ELAPOR2: variants seen among roughly 807,000 people sequenced by gnomAD.
ELAPOR2 encodes endosome-lysosome associated apoptosis and autophagy regulator family member 2, also known as endosome/lysosome-associated apoptosis and autophagy regulator family member 2.
ELAPOR2 carries 89 observed loss-of-function variants against 120.7 expected under a neutral mutation model. That is an observed-to-expected ratio of 0.74 (90% CI 0.62 to 0.88). The LOEUF (loss-of-function observed/expected upper bound fraction) is 0.88. Among genes scored for constraint, ELAPOR2 ranks in the 40% least tolerant of loss-of-function variants. The probability of loss-of-function intolerance (pLI) is 0.00; values close to 1 mark genes in which losing one functional copy is unlikely to be tolerated. For synonymous variants in ELAPOR2, 444 were observed against 444.9 expected (o/e 1.00, Z 0.03); for missense variants, 1,134 against 1,251.6 (o/e 0.91, Z 1.42).
At chr7:87,009,913 T>TC (rs1184855094) in intron 1 of ELAPOR2, among the ~76,000 whole-genome samples, 5 of 152,184 alleles carry the variant, frequency 3.3e-5, no homozygotes, top group African/African-American at 9.6e-5. Flanking sequence ...TTAAAGAACA[T>TC]CCTTTAAAAT....
At chr7:86,918,183 C>CCTGGCCTCTATCAGTCACCCAAG (rs1789651619) in intron 12 of ELAPOR2, among the ~76,000 whole-genome samples, 1 of 151,596 alleles carries the variant, frequency 6.6e-6, no homozygotes, top group African/African-American at 2.4e-5. Context: ...ATTAATATTC[C>CCTGGCCTCTATCAGTCACCCAAG]CTGGCCTCTA....
At chr7:86,912,267 C>CA (rs767428314) in intron 14 of ELAPOR2, 22 bp from the exon 15 acceptor site, 60 of 1,523,354 alleles carry the variant, frequency 3.9e-5, no homozygotes, top group Admixed American at 2.7e-4. Context: ...GATAAAGAAA[C>CA]AATATAGCAG....
chr7:87,040,408 A>G (rs1203011972), intron 1 of ELAPOR2, among the ~76,000 whole-genome samples: 1 of 152,230 alleles, frequency 6.6e-6, no homozygotes, highest in Non-Finnish European at 1.5e-5. Context: ...TTCTCCCAGC[A>G]CGCAGCTGGA....
chr7:86,932,001 A>C (rs1008707006), intron 8 of ELAPOR2, among the ~76,000 whole-genome samples: 1 of 151,932 alleles, frequency 6.6e-6, no homozygotes, highest in African/African-American at 2.4e-5. Flanking sequence ...TGGCCTCCCC[A>C]GCTACAGGAA....
intron 1 of ELAPOR2, among the ~76,000 whole-genome samples, chr7:87,032,212 G>T (rs1454105162): frequency 2.6e-5 from 4 of 152,156 alleles, no homozygotes; most frequent in African/African-American, 9.7e-5. Context: ...TTTGTTTAAA[G>T]ATTGAGGCAA....
chr7:87,043,663 T>A lies in ELAPOR2; in HGVS notation c.189+15662A>T, dbSNP rs1210150483. Among the ~76,000 whole-genome samples, 9 of 148,958 alleles carry A rather than the reference T, an allele frequency of 6.0e-5. No individual in the cohort carries two copies. In the East Asian group the frequency reaches 1.8e-3, roughly 30 times the overall value. On this transcript the variant is annotated intron_variant, in intron 1 of 21. Coordinates refer to ENST00000450689, the MANE Select transcript of ELAPOR2 (RefSeq NM_001142749.3). ...AACCCACAGCCAATATCATACTGAA[T>A]GGGCAAAAACTGGAAGCATTCCCTT...
chr7:86,932,958 G>C (rs187848878), intron 8 of ELAPOR2, among the ~76,000 whole-genome samples: 63 of 151,650 alleles, frequency 4.2e-4, no homozygotes, highest in African/African-American at 1.5e-3. Flanking sequence ...TATCTTTATT[G>C]ATTCACAAAT....
At chr7:86,913,341 T>C in intron 13 of ELAPOR2, 137 bp from the exon 14 acceptor site, 2 of 783,806 alleles carry the variant, frequency 2.6e-6, no homozygotes, top group South Asian at 3.9e-5. Flanking sequence ...AATAGATTAA[T>C]ATCACTGCTA....
At chr7:87,041,256 C>A (rs1794776497) in intron 1 of ELAPOR2, among the ~76,000 whole-genome samples, 1 of 151,992 alleles carries the variant, frequency 6.6e-6, no homozygotes, top group South Asian at 2.1e-4. Context: ...TCAGGAAATA[C>A]AGAGAACGCC....
At chr7:86,905,016 AGAATGAATGAATGAATGGAT>A (rs1299874042) in intron 18 of ELAPOR2, among the ~76,000 whole-genome samples, 2 of 151,440 alleles carry the variant, frequency 1.3e-5, no homozygotes, top group Non-Finnish European at 2.9e-5. Context: ...TAAAGCTGAA[AGAATGAATGAATGAATGGAT>A]GAATGAATGA....
chr7:86,935,815 T>C (rs1047772894), intron 8 of ELAPOR2, among the ~76,000 whole-genome samples: 2 of 152,070 alleles, frequency 1.3e-5, no homozygotes, highest in Non-Finnish European at 2.9e-5. Context: ...ACTAAAAGTA[T>C]GAATGAGCAA....
rs1791854329 is a variant in ELAPOR2 at position 86,965,038 on chromosome 7, C to A, written c.190-14G>T. On this transcript the variant is annotated splice_polypyrimidine_tract_variant and intron_variant, in intron 1 of 21. Transcript: ENST00000450689. ...GTGATAATCTTTCTGCAAACAATCA[C>A]AAAAACAAGCCTTTGTTAGAGCCAG... 6 of 1,551,324 alleles carry A rather than the reference C, an allele frequency of 3.9e-6. No homozygotes were observed. The South Asian group carries it at 7.1e-5, about 18-fold the overall frequency.
At chr7:87,019,374 G>A (rs943786583) in intron 1 of ELAPOR2, among the ~76,000 whole-genome samples, 1 of 152,032 alleles carries the variant, frequency 6.6e-6, no homozygotes, top group African/African-American at 2.4e-5. Context: ...ATGTTGCCTA[G>A]GCTGGTCTTG....
At position 86,926,728 on chromosome 7, in the gene ELAPOR2, C is replaced by A; in HGVS notation, c.1270+8G>T. 6.2e-7 allele frequency: 1 copy of A among 1,601,006 alleles called. No homozygotes were observed. The highest frequency in any genetic ancestry group is 1.1e-5 in the South Asian group (1 of 88,988). Reference sequence around the variant, plus strand: ...AAGGCCCAGTTATTGGACCAATTGACATCCTACCTTTGGTTCCATCTGAAA... The same window carrying A: ...AAGGCCCAGTTATTGGACCAATTGAAATCCTACCTTTGGTTCCATCTGAAA... On this transcript the variant is annotated splice_region_variant and intron_variant, in intron 9 of 21. Transcript: ENST00000450689.
intron 1 of ELAPOR2, among the ~76,000 whole-genome samples, chr7:86,978,606 T>A (rs758018766): frequency 5.9e-5 from 9 of 152,200 alleles, no homozygotes; most frequent in Non-Finnish European, 1.3e-4. Flanking sequence ...GGCAGATTGT[T>A]TATAGTCTAA....
chr7:87,055,341 T>C (rs1795228928), intron 1 of ELAPOR2, among the ~76,000 whole-genome samples: 1 of 152,202 alleles, frequency 6.6e-6, no homozygotes, highest in Non-Finnish European at 1.5e-5. Context: ...TAAAGCATAC[T>C]ACTCCTCTTT....
At chr7:86,913,278 A>T in intron 13 of ELAPOR2, 74 bp from the exon 14 acceptor site, 2 of 1,432,940 alleles carry the variant, frequency 1.4e-6, no homozygotes, top group South Asian at 2.5e-5. Context: ...TCTTCTGTTG[A>T]CATCATCAAA....
intron 2 of ELAPOR2, among the ~76,000 whole-genome samples, chr7:86,952,808 G>A (rs913042812): frequency 1.3e-5 from 2 of 152,026 alleles, no homozygotes; most frequent in Non-Finnish European, 2.9e-5. Context: ...ATTATTAATA[G>A]TTTAGGCTGG....
rs111934481 is a variant in ELAPOR2, at chr7:86,976,684, G to A, written c.190-11660C>T. The stretch of plus-strand genomic sequence containing the variant: ...CTGAACCTAACCAGGTCAACTGGCT[G>A]CTGAAACAAACCAACCGTCTACAGA... On this transcript the variant is annotated intron_variant, in intron 1 of 21. Coordinates refer to ENST00000450689, the MANE Select transcript of ELAPOR2 (RefSeq NM_001142749.3). Among the ~76,000 whole-genome samples the A allele has an allele frequency of 6.6e-4, 101 of 152,292 alleles. 1 individual carries two copies. Among genetic ancestry groups the A allele is most frequent in the African/African-American group, 2.3e-3 (97 of 41,562 alleles).
Sources: gnomAD v4.1 joint callset for allele counts (sites outside exome capture counted in the v4.1 genomes callset) on GRCh38, gnomAD v4.1.1 for gene constraint, MANE v1.5 for transcripts, NCBI Gene and HGNC (gene_info 2026-07-23, HGNC 2026-07-21) for gene names.